Variants in TGFBR3 observed in about 807,000 individuals in gnomAD.
The protein encoded by TGFBR3 is transforming growth factor beta receptor type 3.
Under a neutral mutation model 87.9 loss-of-function variants are expected in TGFBR3, and 46 were observed. The observed-to-expected ratio is 0.52, with a 90% CI of 0.41 to 0.67. The LOEUF is 0.67. TGFBR3 is among the 30% of genes least tolerant of loss of function. The pLI is 0.00. For synonymous variants in TGFBR3, 381 were observed against 391.6 expected (o/e 0.97, Z 0.32); for missense variants, 866 against 1,041.9 (o/e 0.83, Z 2.32).
At chr1:91,784,341 T>C (rs928733921) in intron 3 of TGFBR3, among the ~76,000 whole-genome samples, 2 of 152,134 alleles carry the variant, frequency 1.3e-5, no homozygotes, top group African/African-American at 4.8e-5. Context: ...TTAAGAAGAC[T>C]TTCAGTTATA....
chr1:91,698,708 C>T (rs1671512904), intron 14 of TGFBR3, among the ~76,000 whole-genome samples: 3 of 151,994 alleles, frequency 2.0e-5, no homozygotes, highest in Admixed American at 1.3e-4. Context: ...CACCACATTG[C>T]CCTGGCTGGT....
intron 4 of TGFBR3, among the ~76,000 whole-genome samples, chr1:91,749,220 G>A (rs980359635): frequency 6.6e-6 from 1 of 152,090 alleles, no homozygotes; most frequent in Non-Finnish European, 1.5e-5. Flanking sequence ...CTCAAGAACA[G>A]GCTCTCTGTG....
At chr1:91,729,278 A>G (rs6699850) in intron 6 of TGFBR3, among the ~76,000 whole-genome samples, 78,314 of 134,606 alleles carry the variant, frequency 0.58, 21,979 homozygotes, top group Middle Eastern at 0.68. Flanking sequence ...ACACACGTGC[A>G]TGCGCATACA....
chr1:91,759,513 C>G (rs532574341), intron 3 of TGFBR3, among the ~76,000 whole-genome samples: 9 of 152,146 alleles, frequency 5.9e-5, no homozygotes, highest in African/African-American at 2.2e-4. Flanking sequence ...CAAAAAGCAC[C>G]TGTGAATGGA....
In TGFBR3 at chr1:91,885,962, G is replaced by A. The variant is rs1305119121; in HGVS notation, c.-198C>T. 4 of 451,326 alleles carry A rather than the reference G, an allele frequency of 8.9e-6. No individual in the cohort carries two copies. Among genetic ancestry groups the A allele is most frequent in the Admixed American group, 7.1e-5 (3 of 42,392 alleles). The allele number at this position is 451,326 out of a possible 1,614,324, so 28.0% of individuals were successfully genotyped here. ...AAGTTTCCCCGCCCAGCGCTCGGCG[G>A]CGGCGAGCTCCGGCAGCTGCTGCGC... is the stretch of plus-strand genomic sequence containing the variant. On this transcript the variant is annotated 5_prime_UTR_variant, in exon 1 of 17. Transcript: ENST00000212355.
Position 91,680,800 on chromosome 1 carries a change from A to G in TGFBR3, c.*2939T>C, listed in dbSNP as rs77378509. The stretch of plus-strand genomic sequence containing the variant: ...GAGCACCCCACACACACTCACAATC[A>G]TGCCCACTAAGAACACAAGCAGGAA... On this transcript the variant is annotated 3_prime_UTR_variant, in exon 17 of 17. Transcript: ENST00000212355. 1.7e-3 allele frequency: 755 copies of G among 453,490 alleles called. 16 individuals carry two copies. The East Asian group carries it at 0.046, about 27-fold the overall frequency. 28.1% of individuals were successfully genotyped at this position (453,490 alleles called of 1,614,324 possible). A position where few individuals can be genotyped will look rare whatever the true frequency, so the allele number is the denominator to read the frequency against.
chr1:91,691,237 AAAAAAATAAATCATTCTT>A (rs138326817), intron 16 of TGFBR3, among the ~76,000 whole-genome samples: 2,608 of 152,244 alleles, frequency 0.017, 71 homozygotes, highest in African/African-American at 0.059. Context: ...AGGGGGTGAG[AAAAAAATAAATCATTCTT>A]AAAAATCTCA....
chr1:91,875,692 A>G (rs965271191), intron 1 of TGFBR3, among the ~76,000 whole-genome samples: 7 of 150,460 alleles, frequency 4.7e-5, no homozygotes, highest in Non-Finnish European at 1.0e-4. Flanking sequence ...GTTCAAGACC[A>G]GCCTGGCCAA....
chr1:91,702,473 C>T (rs1013345460), intron 14 of TGFBR3, among the ~76,000 whole-genome samples: 13 of 151,352 alleles, frequency 8.6e-5, no homozygotes, highest in Middle Eastern at 3.2e-3. Flanking sequence ...TGTGAAACCC[C>T]GTCTCTACTA....
At chr1:91,883,752 A>T (rs538504479) in intron 1 of TGFBR3, among the ~76,000 whole-genome samples, 2 of 152,094 alleles carry the variant, frequency 1.3e-5, no homozygotes, top group Admixed American at 1.3e-4. Context: ...GAAAAATTAA[A>T]GTTGACAAAT....
At chr1:91,748,093 A>G (rs538878557) in intron 4 of TGFBR3, among the ~76,000 whole-genome samples, 1 of 152,194 alleles carries the variant, frequency 6.6e-6, no homozygotes, top group Non-Finnish European at 1.5e-5. Context: ...TTGGGAAAAA[A>G]AGTTCTAAAG....
At chr1:91,843,954 C>G (rs1471915360) in intron 2 of TGFBR3, among the ~76,000 whole-genome samples, 2 of 152,212 alleles carry the variant, frequency 1.3e-5, no homozygotes, top group Non-Finnish European at 2.9e-5. Flanking sequence ...CCTTTTGTTA[C>G]AAGTCCAAAA....
intron 4 of TGFBR3, among the ~76,000 whole-genome samples, chr1:91,749,052 C>A (rs1417975370): frequency 6.6e-6 from 1 of 152,056 alleles, no homozygotes; most frequent in Non-Finnish European, 1.5e-5. Flanking sequence ...GTTGACAGGC[C>A]ACGAGTCATT....
At chr1:91,715,128 T>C (rs76385210) in intron 12 of TGFBR3, among the ~76,000 whole-genome samples, 3 of 152,104 alleles carry the variant, frequency 2.0e-5, no homozygotes, top group African/African-American at 7.2e-5. Context: ...ATGAGGACCT[T>C]CCCATAAGAC....
intron 14 of TGFBR3, among the ~76,000 whole-genome samples, chr1:91,706,304 A>G (rs11165288): frequency 0.44 from 66,219 of 152,006 alleles, 15,063 homozygotes; most frequent in Middle Eastern, 0.51. Flanking sequence ...GGTCATAAAG[A>G]CCCCGCTGAT....
rs771813683 is a variant in TGFBR3, at chr1:91,695,797, C to G, written c.2330-18G>C. ...GAAAATTGCTATAAAGGAGAGAAAC[C>G]GATACACACAACTTTTTGGTTAGTC... is the stretch of plus-strand genomic sequence containing the variant. On this transcript the variant is annotated intron_variant, in intron 15 of 16. Transcript: ENST00000212355. The G allele has an allele frequency of 1.9e-6, 3 of 1,605,918 alleles. No homozygotes were observed. The highest frequency in any genetic ancestry group is 1.1e-5 in the South Asian group (1 of 90,902).
chr1:91,807,069 G>A (rs1054081371), intron 2 of TGFBR3, among the ~76,000 whole-genome samples: 12 of 152,130 alleles, frequency 7.9e-5, no homozygotes, highest in African/African-American at 2.7e-4. Context: ...TCACAAACAC[G>A]CCTGACGTGT....
At chr1:91,891,710 TTG>T in intron 2 of TGFBR3, among the ~76,000 whole-genome samples, 1 of 152,274 alleles carries the variant, frequency 6.6e-6, no homozygotes, top group South Asian at 2.1e-4. Context: ...TCCAAAATTG[TTG>T]TGACAGGATG....
In TGFBR3 at chr1:91,727,772, G is replaced by A; in HGVS notation, c.772C>T (p.Pro258Ser). The A allele has an allele frequency of 6.2e-7, 1 of 1,613,978 alleles. No homozygotes were observed. The change falls in exon 7 of 17, where the codon CCT becomes TCT. Residue 258 changes from proline to serine, a missense_variant. Pro to Ser is a moderately conservative substitution (Grantham distance 74). Transcript: ENST00000212355. ...FQVDITIDIRPSQEDLEVVKN... is the reference protein window; with the variant it reads ...FQVDITIDIRSSQEDLEVVKN... ...ACCACTTCAAGATCCTCTTGAGAAG[G>A]TCTTATATCAATTGTTATATCCACC...
Sources: gnomAD v4.1 joint callset for allele counts (sites outside exome capture counted in the v4.1 genomes callset) on GRCh38, gnomAD v4.1.1 for gene constraint, MANE v1.5 for transcripts, NCBI Gene and HGNC (gene_info 2026-07-23, HGNC 2026-07-21) for gene names.